Variants in CDKAL1 observed in about 807,000 individuals in gnomAD.
The protein encoded by CDKAL1 is CDKAL1 threonylcarbamoyladenosine tRNA methylthiotransferase.
A neutral mutation model predicts 68.2 loss-of-function variants in CDKAL1; 32 were observed. The observed-to-expected ratio is 0.47, with a 90% confidence interval of 0.35 to 0.63. The LOEUF is 0.63. Ranked by LOEUF, CDKAL1 falls within the 30% of genes least tolerant of loss-of-function variation. CDKAL1 has a pLI of 0.00. For synonymous variants in CDKAL1, 234 were observed against 244.3 expected, an observed-to-expected ratio of 0.96 and a Z score of 0.39; for missense variants, 606 against 696.7, an observed-to-expected ratio of 0.87 and a Z score of 1.47.
intron 4 of CDKAL1, among the ~76,000 whole-genome samples, chr6:20,571,137 AAGAG>A (rs1764684312): frequency 6.6e-6 from 1 of 152,188 alleles, no homozygotes; most frequent in Non-Finnish European, 1.5e-5. Flanking sequence ...CTATAGGTGA[AAGAG>A]AGAATAAGAA....
intron 8 of CDKAL1, among the ~76,000 whole-genome samples, chr6:20,785,314 CT>C (rs5874783): frequency 0.73 from 70,051 of 96,040 alleles, 24,383 homozygotes; most frequent in Admixed American, 0.76. Flanking sequence ...ATTTCTTTTT[CT>C]TTTTTTTTTT....
chr6:20,683,521 T>G (rs1770479180), intron 5 of CDKAL1, among the ~76,000 whole-genome samples: 1 of 152,242 alleles, frequency 6.6e-6, no homozygotes, highest in Non-Finnish European at 1.5e-5. Flanking sequence ...AAAATGATTC[T>G]TTTATTTCTC....
At chr6:20,877,424 C>G (rs2150554680) in intron 9 of CDKAL1, among the ~76,000 whole-genome samples, 1 of 152,296 alleles carries the variant, frequency 6.6e-6, no homozygotes, top group African/African-American at 2.4e-5. Context: ...TGTCCTGTTC[C>G]TGTTTTCACA....
intron 9 of CDKAL1, among the ~76,000 whole-genome samples, chr6:20,930,386 A>C (rs1763384473): frequency 6.6e-6 from 1 of 152,154 alleles, no homozygotes; most frequent in Admixed American, 6.5e-5. Context: ...ATTTGCAAAT[A>C]GGGCAATTTC....
At chr6:21,049,737 T>G (rs1770437279) in intron 11 of CDKAL1, among the ~76,000 whole-genome samples, 1 of 152,180 alleles carries the variant, frequency 6.6e-6, no homozygotes, top group South Asian at 2.1e-4. Flanking sequence ...AAATGATATA[T>G]TCTGGATTTA....
chr6:20,986,650 T>TA (rs5874797), intron 10 of CDKAL1, among the ~76,000 whole-genome samples: 2,208 of 149,124 alleles, frequency 0.015, 16 homozygotes, highest in Non-Finnish European at 0.022. Context: ...GTATATTTAA[T>TA]AAAAAAAAAA....
intron 4 of CDKAL1, among the ~76,000 whole-genome samples, chr6:20,612,990 TACACACACACACAC>T (rs55999857): frequency 0.11 from 14,285 of 129,972 alleles, 959 homozygotes; most frequent in East Asian, 0.35. Flanking sequence ...TTGCAATTTC[TACACACACACACAC>T]ACACACACAC....
chr6:20,645,559 G>A (rs537024312), intron 4 of CDKAL1, among the ~76,000 whole-genome samples: 60 of 151,714 alleles, frequency 4.0e-4, no homozygotes, highest in African/African-American at 1.4e-3. Context: ...ATGAAACCCC[G>A]TCTGTACTAA....
At chr6:20,628,521 GTGACTA>G (rs1271153805) in intron 4 of CDKAL1, among the ~76,000 whole-genome samples, 2 of 152,068 alleles carry the variant, frequency 1.3e-5, no homozygotes, top group African/African-American at 4.8e-5. Context: ...ATAATTACAT[GTGACTA>G]TTCTTTCTTA....
intron 10 of CDKAL1, among the ~76,000 whole-genome samples, chr6:20,979,331 G>C (rs1229828436): frequency 6.6e-6 from 1 of 152,152 alleles, no homozygotes; most frequent in Non-Finnish European, 1.5e-5. Context: ...GTAATTGCCT[G>C]ATAGAGACAC....
intron 8 of CDKAL1, among the ~76,000 whole-genome samples, chr6:20,791,765 AAAG>A (rs1775907358): frequency 6.6e-6 from 1 of 152,130 alleles, no homozygotes; most frequent in Non-Finnish European, 1.5e-5. Flanking sequence ...TGGTTATTTT[AAAG>A]GAGGGACTGC....
At chr6:20,780,760 G>A (rs1185513686) in intron 7 of CDKAL1, among the ~76,000 whole-genome samples, 1 of 146,314 alleles carries the variant, frequency 6.8e-6, no homozygotes, top group South Asian at 2.2e-4. Context: ...TGCAAACTCC[G>A]CCTCCCGGGC....
At chr6:20,786,643 G>A (rs989751443) in intron 8 of CDKAL1, among the ~76,000 whole-genome samples, 3 of 151,654 alleles carry the variant, frequency 2.0e-5, no homozygotes, top group Non-Finnish European at 4.4e-5. Context: ...GACTTCAGGC[G>A]CCCGCCACCA....
chr6:20,602,993 G>A (rs558289416), intron 4 of CDKAL1, among the ~76,000 whole-genome samples: 2 of 152,146 alleles, frequency 1.3e-5, no homozygotes, highest in African/African-American at 4.8e-5. Context: ...TCTCAGAAGG[G>A]TATAGATGTA....
At chr6:20,973,500 AC>A (rs1765692615) in intron 10 of CDKAL1, among the ~76,000 whole-genome samples, 2 of 152,162 alleles carry the variant, frequency 1.3e-5, no homozygotes, top group Admixed American at 1.3e-4. Context: ...AGTGCCAGTC[AC>A]TGTGAACAGC....
At chr6:21,003,781 A>G (rs1767582473) in intron 11 of CDKAL1, among the ~76,000 whole-genome samples, 1 of 152,082 alleles carries the variant, frequency 6.6e-6, no homozygotes. Context: ...TTAAAATTCA[A>G]CACAGTATTT....
At chr6:20,947,411 T>C (rs1194400123) in intron 9 of CDKAL1, among the ~76,000 whole-genome samples, 5 of 151,952 alleles carry the variant, frequency 3.3e-5, no homozygotes, top group Non-Finnish European at 7.4e-5. Context: ...GGCAACATGG[T>C]GAAACCCTGT....
chr6:21,024,477 A>G (rs1219051159), intron 11 of CDKAL1, among the ~76,000 whole-genome samples: 2 of 152,006 alleles, frequency 1.3e-5, no homozygotes, highest in African/African-American at 2.4e-5. Flanking sequence ...GTGAAACCCC[A>G]TCTCTTAAAA....
chr6:20,794,724 G>A (rs1259776360), intron 8 of CDKAL1, among the ~76,000 whole-genome samples: 4 of 152,032 alleles, frequency 2.6e-5, no homozygotes, highest in African/African-American at 9.7e-5. Context: ...AAGTTTGGTG[G>A]CCCACAGATT....
Sources: gnomAD v4.1 joint callset for allele counts (sites outside exome capture counted in the v4.1 genomes callset) on GRCh38, gnomAD v4.1.1 for gene constraint, MANE v1.5 for transcripts, NCBI Gene and HGNC (gene_info 2026-07-23, HGNC 2026-07-21) for gene names.